The following TMX1 variants were observed in gnomAD, a reference collection of about 807,000 sequenced individuals.
TMX1 encodes the protein thioredoxin related transmembrane protein 1.
In TMX1, 25 loss-of-function variants were observed where a neutral mutation model predicts 36.6. The ratio of observed to expected loss-of-function variants is 0.68; its 90% CI spans 0.50 to 0.95. The LOEUF (loss-of-function observed/expected upper bound fraction) is 0.95. TMX1 is among the 40% of genes least tolerant of loss of function. The pLI is 0.00. For missense variants in TMX1, 347 were observed against 339.6 expected (o/e 1.02, Z -0.17); for synonymous variants, 133 against 118.0 (o/e 1.13, Z -0.82).
At chr14:51,241,621 A>C (rs975167702) in intron 1 of TMX1, among the ~76,000 whole-genome samples, 1 of 152,212 alleles carries the variant, frequency 6.6e-6, no homozygotes, top group African/African-American at 2.4e-5. Context: ...AGATTGAGGT[A>C]TGAGGATGAC....
chr14:51,246,941 G>C (rs11625621), intron 3 of TMX1, 151 bp from the exon 4 acceptor site: 96,334 of 545,052 alleles, frequency 0.18, 9,777 homozygotes, highest in Non-Finnish European at 0.2. Flanking sequence ...AATGTCATGA[G>C]TAGGTAAATA....
At chr14:51,245,537 T>C (rs1420883903) in intron 3 of TMX1, 179 bp downstream of exon 3, 1 of 1,431,834 alleles carries the variant, frequency 7.0e-7, no homozygotes, top group African/African-American at 1.4e-5. Context: ...AGTTGAGTGA[T>C]GTGTGAAACA....
intron 4 of TMX1, among the ~76,000 whole-genome samples, chr14:51,248,116 T>A (rs904201344): frequency 6.6e-6 from 1 of 152,238 alleles, no homozygotes; most frequent in African/African-American, 2.4e-5. Flanking sequence ...TTTATAGATA[T>A]CTAGAGGGTA....
chr14:51,240,279 G>A lies in TMX1; in HGVS notation c.-14G>A. 1 of 1,607,616 alleles carries A rather than the reference G, an allele frequency of 6.2e-7. No individual in the cohort carries two copies. Among genetic ancestry groups the A allele is most frequent in the Non-Finnish European group, 8.5e-7 (1 of 1,179,330 alleles). On this transcript the variant is annotated 5_prime_UTR_variant, in exon 1 of 8. Coordinates refer to ENST00000457354, the MANE Select transcript of TMX1 (RefSeq NM_030755.5). ...GCTGCGACCGCGCTCCCTGTGAGGT[G>A]GGCAAGCGGCGAAATGGCGCCCTCC...
At chr14:51,254,296 A>G (rs1343721812) in intron 7 of TMX1, 45 bp from the exon 8 acceptor site, 1 of 1,534,898 alleles carries the variant, frequency 6.5e-7, no homozygotes, top group African/African-American at 1.4e-5. Context: ...TCTAAAGCAA[A>G]TCTAATACAT....
intron 5 of TMX1, 44 bp from the exon 6 acceptor site, chr14:51,249,423 CA>C (rs754472116): frequency 6.3e-7 from 1 of 1,583,464 alleles, no homozygotes; most frequent in Non-Finnish European, 8.6e-7. Context: ...ATCACTTTAA[CA>C]AAAATGAACA....
At chr14:51,249,831 C>A in intron 7 of TMX1, 66 bp downstream of exon 7, 2 of 1,223,958 alleles carry the variant, frequency 1.6e-6, no homozygotes, top group Non-Finnish European at 1.1e-6. Flanking sequence ...TAATCACAAT[C>A]ACACATTTCA....
intron 7 of TMX1, among the ~76,000 whole-genome samples, chr14:51,252,005 G>T (rs924848996): frequency 2.0e-5 from 3 of 152,000 alleles, no homozygotes; most frequent in African/African-American, 7.3e-5. Flanking sequence ...AATCCTTTCT[G>T]TGCAATATCG....
At chr14:51,241,824 T>G (rs887071055) in intron 1 of TMX1, among the ~76,000 whole-genome samples, 3 of 152,174 alleles carry the variant, frequency 2.0e-5, no homozygotes, top group Non-Finnish European at 2.9e-5. Flanking sequence ...GTAAGTCCTG[T>G]GTTATTTTTT....
intron 2 of TMX1, 125 bp downstream of exon 2, chr14:51,244,096 C>A: frequency 1.4e-6 from 1 of 733,778 alleles, no homozygotes; most frequent in Non-Finnish European, 2.0e-6. Flanking sequence ...CAGTCTGCAG[C>A]TAGTTAACCT....
At chr14:51,244,018 A>G in intron 2 of TMX1, 47 bp downstream of exon 2, 2 of 1,462,662 alleles carry the variant, frequency 1.4e-6, no homozygotes, top group Non-Finnish European at 1.9e-6. Context: ...GTTTGGGTTG[A>G]TATATTTATC....
At chr14:51,247,069 T>G (rs1347043162) in intron 3 of TMX1, 23 bp from the exon 4 acceptor site, 1 of 1,589,784 alleles carries the variant, frequency 6.3e-7, no homozygotes, top group African/African-American at 1.4e-5. Context: ...TGCTGGATAA[T>G]ATTTAATTCT....
intron 3 of TMX1, among the ~76,000 whole-genome samples, chr14:51,246,834 G>C (rs2065787866): frequency 6.6e-6 from 1 of 152,114 alleles, no homozygotes; most frequent in African/African-American, 2.4e-5. Flanking sequence ...TCTACTTACT[G>C]TATTTCATAG....
chr14:51,248,184 T>C (rs1025146173), intron 4 of TMX1, among the ~76,000 whole-genome samples: 3 of 152,224 alleles, frequency 2.0e-5, no homozygotes, highest in African/African-American at 7.2e-5. Context: ...GTAGCAAGCA[T>C]GCTTTCTGCT....
At chr14:51,241,829 T>C (rs1488927666) in intron 1 of TMX1, among the ~76,000 whole-genome samples, 1 of 152,148 alleles carries the variant, frequency 6.6e-6, no homozygotes, top group African/African-American at 2.4e-5. Context: ...TCCTGTGTTA[T>C]TTTTTAAAAA....
chr14:51,245,460 CTCA>C (rs1255296438), intron 3 of TMX1, 102 bp downstream of exon 3: 1 of 1,562,534 alleles, frequency 6.4e-7, no homozygotes, highest in Non-Finnish European at 8.7e-7. Context: ...CTGAGGTAAT[CTCA>C]TTATATTCAG....
chr14:51,245,197 ATT>A, intron 2 of TMX1, 114 bp from the exon 3 acceptor site: 1 of 1,222,494 alleles, frequency 8.2e-7, no homozygotes, highest in Non-Finnish European at 1.2e-6. Context: ...AAGCTCAACT[ATT>A]AGGTATAATT....
chr14:51,246,123 C>T (rs1458150268), intron 3 of TMX1, among the ~76,000 whole-genome samples: 3 of 152,112 alleles, frequency 2.0e-5, no homozygotes, highest in South Asian at 4.2e-4. Flanking sequence ...CCCTTTACAT[C>T]TATATAAATT....
In TMX1 at chr14:51,249,802, A is replaced by G. The variant is rs373749021; in HGVS notation, c.664+37A>G. On this transcript the variant is annotated intron_variant, in intron 7 of 7. Transcript: ENST00000457354. ...TTAAAATGTTTATTTTTTATTCACG[A>G]TAGTCCTATTCATTTCTGTAATCAC... The G allele has an allele frequency of 3.3e-4, 483 of 1,464,532 alleles. 1 individual carries two copies. Among genetic ancestry groups the G allele is most frequent in the Non-Finnish European group, 4.5e-4 (476 of 1,063,764 alleles). The allele number at this position is 1,464,532 out of a possible 1,614,324, so 90.7% of individuals were successfully genotyped here. A position where few individuals can be genotyped will look rare whatever the true frequency, so the allele number is the denominator to read the frequency against.
Sources: gnomAD v4.1 joint callset for allele counts (sites outside exome capture counted in the v4.1 genomes callset) on GRCh38, gnomAD v4.1.1 for gene constraint, MANE v1.5 for transcripts, NCBI Gene and HGNC (gene_info 2026-07-23, HGNC 2026-07-21) for gene names.